Variants in ANGPTL1 observed in about 807,000 individuals in gnomAD.
ANGPTL1 encodes the protein angiopoietin like 1, also known as angiopoietin-related protein 1.
Under a neutral mutation model 46.7 loss-of-function variants are expected in ANGPTL1, and 36 were observed. That is an observed-to-expected ratio of 0.77 (90% CI 0.59 to 1.02). The LOEUF (loss-of-function observed/expected upper bound fraction) is 1.02. Ranked by LOEUF, ANGPTL1 falls within the 50% of genes least tolerant of loss-of-function variation. The probability of loss-of-function intolerance (pLI) is 0.00; values close to 1 mark genes in which losing one functional copy is unlikely to be tolerated. For synonymous variants in ANGPTL1, 221 were observed against 204.3 expected (o/e 1.08, Z -0.69); for missense variants, 571 against 594.7 (o/e 0.96, Z 0.41).
intron 3 of ANGPTL1, among the ~76,000 whole-genome samples, chr1:178,859,827 C>CG (rs1388366176): frequency 3.4e-5 from 3 of 89,254 alleles, no homozygotes; most frequent in African/African-American, 1.2e-4. Context: ...CCCGCCCCCC[C>CG]CCCCCCAACC....
At chr1:178,857,300 A>G (rs1167812643) in intron 3 of ANGPTL1, among the ~76,000 whole-genome samples, 2 of 152,200 alleles carry the variant, frequency 1.3e-5, no homozygotes, top group African/African-American at 2.4e-5. Flanking sequence ...ATATGAAACT[A>G]TGTGATTCCT....
rs182451343 is a variant in ANGPTL1 at position 178,864,873 on chromosome 1, G to T, written c.823+81C>A. 1.5e-3 allele frequency: 1,424 copies of T among 953,390 alleles called. 11 individuals carry two copies. The African/African-American group carries it at 0.021, about 14-fold the overall frequency. 59.1% of individuals were successfully genotyped at this position (953,390 alleles called of 1,614,324 possible). A position where few individuals can be genotyped will look rare whatever the true frequency, so the allele number is the denominator to read the frequency against. On this transcript the variant is annotated intron_variant, in intron 3 of 5. Coordinates refer to ENST00000234816, the MANE Select transcript of ANGPTL1 (RefSeq NM_004673.4). ...ATATATAACATCGCAAAATGAATAA[G>T]CATTTATTATGAGCATTGTTTCATA... is the stretch of plus-strand genomic sequence containing the variant.
At chr1:178,866,897 T>G (rs1324393213) in intron 2 of ANGPTL1, among the ~76,000 whole-genome samples, 1 of 152,150 alleles carries the variant, frequency 6.6e-6, no homozygotes, top group African/African-American at 2.4e-5. Flanking sequence ...GCCAAGACTT[T>G]TTCCTTTCTC....
At chr1:178,870,573 A>T (rs1422035952) in intron 1 of ANGPTL1, among the ~76,000 whole-genome samples, 168 bp downstream of exon 1, 1 of 152,166 alleles carries the variant, frequency 6.6e-6, no homozygotes, top group Non-Finnish European at 1.5e-5. Flanking sequence ...CACAGTACTT[A>T]ATGTTTTTAT....
Position 178,867,918 on chromosome 1 carries a change from AT to A in ANGPTL1, c.-27+1195del, listed in dbSNP as rs1475494587. On this transcript the variant is annotated intron_variant, in intron 2 of 5. Coordinates refer to ENST00000234816, the MANE Select transcript of ANGPTL1 (RefSeq NM_004673.4). ...TCTAAAACCATGTTCCTTTTTTGGT[AT>A]TTTTCAATTGAATAGTGTCTTCAAA... 2.6e-5 allele frequency among the ~76,000 whole-genome samples: 4 copies of A among 152,020 alleles called. No individual in the cohort carries two copies. The East Asian group carries it at 5.8e-4, about 22-fold the overall frequency.
Position 178,870,954 on chromosome 1 carries a change from A to T in ANGPTL1, c.-350T>A, listed in dbSNP as rs924630791. On this transcript the variant is annotated 5_prime_UTR_variant, in exon 1 of 6. Coordinates refer to ENST00000234816, the MANE Select transcript of ANGPTL1 (RefSeq NM_004673.4). ...AGCCACCTATGTAATTTTAAGTAGT[A>T]TAGTGGAAGTTCTGGTCTGTGGGCC... 6.6e-6 allele frequency: 1 copy of T among 152,204 alleles called. No individual in the cohort carries two copies. Among genetic ancestry groups the T allele is most frequent in the Admixed American group, 6.6e-5 (1 of 15,264 alleles). 9.4% of individuals were successfully genotyped at this position (152,204 alleles called of 1,614,324 possible). A position where few individuals can be genotyped will look rare whatever the true frequency, so the allele number is the denominator to read the frequency against.
chr1:178,851,164 T>G lies in ANGPTL1; in HGVS notation c.1441A>C (p.Arg481=). The G allele has an allele frequency of 6.2e-7, 1 of 1,613,936 alleles. No homozygotes were observed. The highest frequency in any genetic ancestry group is 8.5e-7 in the Non-Finnish European group (1 of 1,179,878). Residue 481 remains arginine (R), a synonymous_variant, in exon 6 of 6, where the codon AGA becomes CGA. Coordinates refer to ENST00000234816, the MANE Select transcript of ANGPTL1 (RefSeq NM_004673.4). ...GGCTTGATCATCATCTGAACTGCTC[T>G]TAAGGAGTATGACCCGCCTCTGTAT... ...AEYRGGSYSL[R]AVQMMIKPID is the part of the protein sequence containing the mutation.
Position 178,869,199 on chromosome 1 carries a change from C to G in ANGPTL1, c.-112G>C, listed in dbSNP as rs1658598780. On this transcript the variant is annotated 5_prime_UTR_variant, in exon 2 of 6. Coordinates refer to ENST00000234816, the MANE Select transcript of ANGPTL1 (RefSeq NM_004673.4). ...TGGGTTAATTTTATTAGTAGCTTTTCTCTTCATAGTTGCTATATTGCCAGC... is the reference window on the plus strand; with the variant it reads ...TGGGTTAATTTTATTAGTAGCTTTTGTCTTCATAGTTGCTATATTGCCAGC... 1 of 152,050 alleles carries G rather than the reference C, an allele frequency of 6.6e-6. No homozygotes were observed. Among genetic ancestry groups the G allele is most frequent in the African/African-American group, 2.4e-5 (1 of 41,446 alleles). The allele number at this position is 152,050 out of a possible 1,614,324, so 9.4% of individuals were successfully genotyped here.
At position 178,865,390 on chromosome 1, in the gene ANGPTL1, A is replaced by G. The variant is rs1307640396; in HGVS notation, c.387T>C (p.Arg129=). 3.7e-6 allele frequency: 6 copies of G among 1,614,094 alleles called. No homozygotes were observed. The highest frequency in any genetic ancestry group is 5.1e-6 in the Non-Finnish European group (6 of 1,179,998). The stretch of plus-strand genomic sequence containing the variant: ...ATAATTGCATATAGAGTTGAGTAAC[A>G]CGAGAGTTCATGTTACGGCTTTCCT... The part of the protein sequence containing the change: ...LRKESRNMNS[R]VTQLYMQLLH... The change falls in exon 3 of 6, where the codon CGT becomes CGC. Residue 129 remains arginine (R), a synonymous_variant. Transcript: ENST00000234816.
In ANGPTL1 at chr1:178,865,618, G is replaced by C. The variant is rs1275135263; in HGVS notation, c.159C>G (p.Phe53Leu). The change falls in exon 3 of 6, where the codon TTC becomes TTG. Residue 53 changes from phenylalanine (F) to leucine (L), a missense_variant. Phe to Leu is a conservative substitution (Grantham distance 22). Coordinates refer to ENST00000234816, the MANE Select transcript of ANGPTL1 (RefSeq NM_004673.4). ...KEEAKKCAYT[F>L]LVPEQRITGP... ...CTGTTATTCTTTGTTCAGGTACCAG[G>C]AATGTGTATGCACATTTCTTTGCTT... 3 of 1,613,990 alleles carry C rather than the reference G, an allele frequency of 1.9e-6. No homozygotes were observed. Among genetic ancestry groups the C allele is most frequent in the Middle Eastern group, 1.6e-4 (1 of 6,062 alleles).
Position 178,852,852 on chromosome 1 carries a change from GTCTTCTAA to G in ANGPTL1, c.1111_1118del (p.Asp373Ter). 6.2e-7 allele frequency: 1 copy of G among 1,613,836 alleles called. No individual in the cohort carries two copies. Among genetic ancestry groups the G allele is most frequent in the African/African-American group, 1.3e-5 (1 of 75,026 alleles). Reference sequence around the variant, plus strand: ...CTGCATAGACTTTTTTATCACTCCAGTCTTCTAATTCAATCAATAACTTGTAATTATCT... The same window carrying G: ...CTGCATAGACTTTTTTATCACTCCAGTTCAATCAATAACTTGTAATTATCT... On this transcript the variant is annotated frameshift_variant, in exon 5 of 6. Coordinates refer to ENST00000234816, the MANE Select transcript of ANGPTL1 (RefSeq NM_004673.4). LOFTEE classifies it high-confidence loss of function.
At chr1:178,869,831 A>G (rs1658639603) in intron 1 of ANGPTL1, among the ~76,000 whole-genome samples, 1 of 152,128 alleles carries the variant, frequency 6.6e-6, no homozygotes, top group African/African-American at 2.4e-5. Flanking sequence ...TACTATTGGT[A>G]ACGAGTAATT....
Position 178,865,281 on chromosome 1 carries a change from A to G in ANGPTL1, c.496T>C (p.Leu166=), listed in dbSNP as rs368594948. Reference sequence around the variant, plus strand: ...TCCCTGTATCTTGTTGCCATCTTCAACATTTCTGTGGTGACATTGAGGATT... The same window carrying G: ...TCCCTGTATCTTGTTGCCATCTTCAGCATTTCTGTGGTGACATTGAGGATT... ...NKILNVTTEM[L]KMATRYRELE... The change falls in exon 3 of 6, where the codon TTG becomes CTG. Residue 166 remains leucine, a synonymous_variant. Coordinates refer to ENST00000234816, the MANE Select transcript of ANGPTL1 (RefSeq NM_004673.4). 10 of 1,614,126 alleles carry G rather than the reference A, an allele frequency of 6.2e-6. No homozygotes were observed. The highest frequency in any genetic ancestry group is 7.6e-6 in the Non-Finnish European group (9 of 1,180,002).
At position 178,864,978 on chromosome 1, in the gene ANGPTL1, G is replaced by A. The variant is rs1658287734; in HGVS notation, c.799C>T (p.Pro267Ser). ...TSPTKSPFKI[P>S]PVTFINEGPF... ...CCTTCATTGATGAAAGTTACCGGTG[G>A]TATCTTGAAAGGGCTTTTGGTGGGA... The change falls in exon 3 of 6, where the codon CCA becomes TCA. Residue 267 changes from proline to serine, a missense_variant. By Grantham distance (74) the Pro-to-Ser change is moderately conservative. Transcript: ENST00000234816. 5 of 1,460,964 alleles carry A rather than the reference G, an allele frequency of 3.4e-6. No individual in the cohort carries two copies. Among genetic ancestry groups the A allele is most frequent in the Non-Finnish European group, 4.5e-6 (5 of 1,106,110 alleles). 90.5% of individuals were successfully genotyped at this position (1,460,964 alleles called of 1,614,324 possible).
intron 3 of ANGPTL1, among the ~76,000 whole-genome samples, chr1:178,854,416 A>G (rs1455198015): frequency 2.0e-5 from 3 of 152,172 alleles, no homozygotes; most frequent in Non-Finnish European, 2.9e-5. Context: ...CCTTTTGGAA[A>G]TTCTCAATGT....
At chr1:178,852,421 C>G (rs1657234807) in intron 5 of ANGPTL1, among the ~76,000 whole-genome samples, 1 of 152,164 alleles carries the variant, frequency 6.6e-6, no homozygotes. Context: ...TAGGCACTTG[C>G]ATTTTATTTC....
chr1:178,855,281 C>G (rs12565332), intron 3 of ANGPTL1, among the ~76,000 whole-genome samples: 22,868 of 148,372 alleles, frequency 0.15, 2,022 homozygotes, highest in East Asian at 0.32. Flanking sequence ...GTAGATTGTT[C>G]CGTGAGGACA....
At chr1:178,860,844 C>G (rs1404394799) in intron 3 of ANGPTL1, among the ~76,000 whole-genome samples, 1 of 152,132 alleles carries the variant, frequency 6.6e-6, no homozygotes, top group African/African-American at 2.4e-5. Flanking sequence ...CATAAGTACA[C>G]CAGTAGCCAT....
chr1:178,865,661 G>A lies in ANGPTL1; in HGVS notation c.116C>T (p.Ala39Val). 1 of 1,613,928 alleles carries A rather than the reference G, an allele frequency of 6.2e-7. No homozygotes were observed. The highest frequency in any genetic ancestry group is 8.5e-7 in the Non-Finnish European group (1 of 1,179,934). Residue 39 changes from alanine to valine, a missense_variant, in exon 3 of 6, where the codon GCC becomes GTC. Transcript: ENST00000234816. ...CTTTGCTTCCTCTTTACCATCTGTG[G>A]CACGAGGGTATCTTCTCTGGTTTAT... is the stretch of plus-strand genomic sequence containing the variant. ...KKINQRRYPR[A>V]TDGKEEAKKC...
Sources: allele counts gnomAD v4.1 joint callset (sites outside exome capture counted in the v4.1 genomes callset), GRCh38; gene constraint gnomAD v4.1.1; transcripts MANE v1.5; gene names NCBI Gene and HGNC (gene_info 2026-07-23, HGNC 2026-07-21).